Variants in MACROD2 observed in about 807,000 individuals in gnomAD.
The protein encoded by MACROD2 is ADP-ribose glycohydrolase MACROD2.
MACROD2 carries 36 observed loss-of-function variants against 70.4 expected under a neutral mutation model. That is an observed-to-expected ratio of 0.51 (90% CI 0.39 to 0.68). The LOEUF (loss-of-function observed/expected upper bound fraction) is 0.68, where lower values mean the gene tolerates loss of function less well. MACROD2 is among the 30% of genes least tolerant of loss of function. MACROD2 has a pLI of 0.00. For missense variants in MACROD2, 496 were observed against 538.4 expected (o/e 0.92, Z 0.78); for synonymous variants, 172 against 178.8 (o/e 0.96, Z 0.30).
chr20:15,239,186 T>C (rs1291310287), intron 6 of MACROD2, among the ~76,000 whole-genome samples: 1 of 145,586 alleles, frequency 6.9e-6, no homozygotes, highest in Admixed American at 6.8e-5. Context: ...ATGTTCAGAT[T>C]TTTTTTTTTT....
chr20:14,404,000 AC>A (rs547152199), intron 3 of MACROD2, among the ~76,000 whole-genome samples: 17 of 152,130 alleles, frequency 1.1e-4, no homozygotes, highest in Non-Finnish European at 2.2e-4. Context: ...AATTAGAATA[AC>A]CAGTTAAATT....
At position 14,506,951 on chromosome 20, in the gene MACROD2, A is replaced by G. The variant is rs574279603; in HGVS notation, c.301+13443A>G. Among the ~76,000 whole-genome samples the G allele has an allele frequency of 3.1e-4, 47 of 152,302 alleles. 1 individual carries two copies. The South Asian group carries it at 9.3e-3, about 30-fold the overall frequency. On this transcript the variant is annotated intron_variant, in intron 4 of 17. Coordinates refer to ENST00000684519, the MANE Select transcript of MACROD2 (RefSeq NM_001351661.2). ...GGGTGACAGAGCGAGACTCTGTCTC[A>G]AAAAAGAAATTAATAATAATAATCG...
At chr20:14,087,641 A>T (rs551357524) in intron 3 of MACROD2, among the ~76,000 whole-genome samples, 1 of 152,178 alleles carries the variant, frequency 6.6e-6, no homozygotes, top group South Asian at 2.1e-4. Flanking sequence ...TCTCTCTTAT[A>T]TGTAGTATCT....
chr20:14,773,300 C>A (rs2072194317), intron 5 of MACROD2, among the ~76,000 whole-genome samples: 1 of 152,014 alleles, frequency 6.6e-6, no homozygotes, highest in Non-Finnish European at 1.5e-5. Context: ...CTCCCAAAAT[C>A]TAGTGGTAAG....
intron 6 of MACROD2, among the ~76,000 whole-genome samples, chr20:15,415,875 ACT>A (rs1443895739): frequency 6.6e-6 from 1 of 152,058 alleles, no homozygotes; most frequent in Admixed American, 6.5e-5. Context: ...AAAGAAATTC[ACT>A]CTCTACTCTT....
chr20:14,443,982 A>G (rs1297508164), intron 3 of MACROD2, among the ~76,000 whole-genome samples: 1 of 152,184 alleles, frequency 6.6e-6, no homozygotes, highest in Non-Finnish European at 1.5e-5. Flanking sequence ...ATAACAAAGC[A>G]GCTTACATTT....
At chr20:14,795,647 G>T (rs117282577) in intron 5 of MACROD2, among the ~76,000 whole-genome samples, 1 of 152,118 alleles carries the variant, frequency 6.6e-6, no homozygotes, top group Non-Finnish European at 1.5e-5. Flanking sequence ...TCCAAGTTTG[G>T]AAATTACAGC....
intron 6 of MACROD2, among the ~76,000 whole-genome samples, chr20:15,302,108 C>T (rs1448312196): frequency 2.0e-5 from 3 of 152,158 alleles, no homozygotes; most frequent in Admixed American, 6.6e-5. Context: ...TGGCTCCCAG[C>T]ATCTGGCCCC....
At chr20:15,992,440 G>A (rs930081287) in intron 15 of MACROD2, among the ~76,000 whole-genome samples, 2 of 151,994 alleles carry the variant, frequency 1.3e-5, no homozygotes, top group Non-Finnish European at 2.9e-5. Flanking sequence ...TTTTTCGTAA[G>A]CTGTCTCTAG....
At chr20:14,442,159 A>G (rs951906213) in intron 3 of MACROD2, among the ~76,000 whole-genome samples, 10 of 151,998 alleles carry the variant, frequency 6.6e-5, no homozygotes, top group Non-Finnish European at 1.2e-4. Flanking sequence ...AATCCCAGCT[A>G]CTCAGAAGGC....
chr20:15,972,401 T>A (rs937655240), intron 13 of MACROD2, among the ~76,000 whole-genome samples: 6 of 152,060 alleles, frequency 3.9e-5, no homozygotes, highest in African/African-American at 1.4e-4. Context: ...ATAAGAAACA[T>A]AATGAAAATT....
chr20:14,815,976 T>G (rs2072769743), intron 5 of MACROD2, among the ~76,000 whole-genome samples: 1 of 152,010 alleles, frequency 6.6e-6, no homozygotes, highest in African/African-American at 2.4e-5. Context: ...AGTAGGTCAT[T>G]TAGCTGCTGA....
chr20:14,037,675 G>A (rs990056849), intron 2 of MACROD2, among the ~76,000 whole-genome samples: 3 of 152,084 alleles, frequency 2.0e-5, no homozygotes, highest in Non-Finnish European at 4.4e-5. Context: ...ATGGAGCTAA[G>A]GATTGATGAA....
chr20:15,205,385 CT>C (rs894568360), intron 5 of MACROD2, among the ~76,000 whole-genome samples: 5 of 146,198 alleles, frequency 3.4e-5, no homozygotes, highest in Non-Finnish European at 6.3e-5. Flanking sequence ...TCAGGGGCTT[CT>C]ATTTTTTTTT....
chr20:15,242,284 AT>A (rs1275415487), intron 6 of MACROD2, among the ~76,000 whole-genome samples: 2 of 152,220 alleles, frequency 1.3e-5, no homozygotes, highest in East Asian at 3.8e-4. Flanking sequence ...ATAAAAGAAA[AT>A]GAAAAGCTAG....
chr20:14,977,788 G>A (rs2074755309), intron 5 of MACROD2, among the ~76,000 whole-genome samples: 1 of 152,078 alleles, frequency 6.6e-6, no homozygotes, highest in South Asian at 2.1e-4. Flanking sequence ...AACGAAACTG[G>A]GAAGCCTAAT....
intron 8 of MACROD2, among the ~76,000 whole-genome samples, chr20:15,741,333 T>A (rs2051103220): frequency 6.6e-6 from 1 of 151,300 alleles, no homozygotes; most frequent in Non-Finnish European, 1.5e-5. Context: ...TCTTCTGACC[T>A]CGTGATCTGC....
At chr20:14,233,339 G>A (rs1458139215) in intron 3 of MACROD2, among the ~76,000 whole-genome samples, 2 of 152,092 alleles carry the variant, frequency 1.3e-5, no homozygotes, top group African/African-American at 2.4e-5. Flanking sequence ...TTCAATATCT[G>A]TGAAGCACAA....
intron 4 of MACROD2, among the ~76,000 whole-genome samples, chr20:14,518,938 T>C (rs1204616071): frequency 1.3e-5 from 2 of 152,260 alleles, no homozygotes; most frequent in Non-Finnish European, 2.9e-5. Flanking sequence ...CATGACATTA[T>C]GAAAGCAGAG....
Sources: gnomAD v4.1 joint callset for allele counts (sites outside exome capture counted in the v4.1 genomes callset) on GRCh38, gnomAD v4.1.1 for gene constraint, MANE v1.5 for transcripts, NCBI Gene and HGNC (gene_info 2026-07-23, HGNC 2026-07-21) for gene names.